GNG7: variants seen among roughly 807,000 people sequenced by gnomAD.
The protein encoded by GNG7 is guanine nucleotide-binding protein G(I)/G(S)/G(O) subunit gamma-7.
GNG7 carries 1 observed loss-of-function variant against 4.0 expected under a neutral mutation model. The observed-to-expected ratio is 0.25, with a 90% CI of 0.09 to 1.18. The LOEUF is 1.18. Among genes scored for constraint, GNG7 ranks in the 50% most tolerant of loss-of-function variants. The probability of loss-of-function intolerance (pLI) is 0.50; values close to 1 mark genes in which losing one functional copy is unlikely to be tolerated. For missense variants in GNG7, 86 were observed against 91.9 expected (o/e 0.94, Z 0.26); for synonymous variants, 34 against 36.9 (o/e 0.92, Z 0.29).
intron 1 of GNG7, among the ~76,000 whole-genome samples, chr19:2,665,719 A>G (rs1348053952): frequency 6.6e-6 from 1 of 152,174 alleles, no homozygotes; most frequent in African/African-American, 2.4e-5. Context: ...TGCACATCGA[A>G]GCAGCATCCA....
intron 2 of GNG7, among the ~76,000 whole-genome samples, chr19:2,565,905 C>T (rs1351171985): frequency 6.6e-6 from 1 of 152,160 alleles, no homozygotes; most frequent in Non-Finnish European, 1.5e-5. Context: ...CGCCTGTTAT[C>T]CCAGCACTTC....
intron 3 of GNG7, among the ~76,000 whole-genome samples, chr19:2,553,383 C>CATATATATATATATATATATATATAT (rs200287140): frequency 1.8e-4 from 23 of 127,720 alleles, no homozygotes; most frequent in East Asian, 6.9e-4. Flanking sequence ...TGGTGCTGAG[C>CATATATATATATATATATATATATAT]ATATATATAT....
At chr19:2,686,627 G>A (rs188410090) in intron 1 of GNG7, among the ~76,000 whole-genome samples, 1 of 152,252 alleles carries the variant, frequency 6.6e-6, no homozygotes, top group East Asian at 1.9e-4. Context: ...TGTCTCTCCT[G>A]AGCTCTCTTC....
At chr19:2,580,045 AC>A (rs919510516) in intron 2 of GNG7, among the ~76,000 whole-genome samples, 4 of 150,050 alleles carry the variant, frequency 2.7e-5, no homozygotes, top group Admixed American at 1.3e-4. Context: ...AAACCATTGC[AC>A]CCCCCCAGTG....
Position 2,661,302 on chromosome 19 carries a change from G to GAAAGAAAGAAAGAAAGAA in GNG7, c.-134-15023_-134-15022insTTCTTTCTTTCTTTCTTT. Among the ~76,000 whole-genome samples the GAAAGAAAGAAAGAAAGAA allele has an allele frequency of 2.6e-3, 187 of 73,072 alleles. 2 individuals carry two copies. The highest frequency in any genetic ancestry group is 0.01 in the East Asian group (25 of 2,388). 47.9% of individuals were successfully genotyped at this position (73,072 alleles called of 152,430 possible). ...AGAAAGAAAGAAAGAAAGAAAGAAA[G>GAAAGAAAGAAAGAAAGAA]AGAAAGAAAGAAAGAAAGAAAGAAA... On this transcript the variant is annotated intron_variant, in intron 1 of 4. Transcript: ENST00000382159.
At position 2,636,065 on chromosome 19, in the gene GNG7, CA is replaced by C. The variant is rs1302251841; in HGVS notation, c.-78+10158del. Among the ~76,000 whole-genome samples, 4 of 152,172 alleles carry C rather than the reference CA, an allele frequency of 2.6e-5. 1 individual carries two copies. Among genetic ancestry groups the C allele is most frequent in the Non-Finnish European group, 5.9e-5 (4 of 68,026 alleles). ...ATGTGGCCCCAATGTCTACAGGAGC[CA>C]GGGGGAGAGAGACCCTGTGTTATTT... On this transcript the variant is annotated intron_variant, in intron 2 of 4. Coordinates refer to ENST00000382159, the MANE Select transcript of GNG7 (RefSeq NM_052847.3).
chr19:2,676,667 C>T (rs61107115), intron 1 of GNG7, among the ~76,000 whole-genome samples: 2 of 151,906 alleles, frequency 1.3e-5, no homozygotes, highest in African/African-American at 4.8e-5. Context: ...CCTCCCGCCT[C>T]GGCCTCCCAT....
At chr19:2,520,931 T>C (rs1489657785) in intron 3 of GNG7, among the ~76,000 whole-genome samples, 1 of 152,018 alleles carries the variant, frequency 6.6e-6, no homozygotes, top group Non-Finnish European at 1.5e-5. Flanking sequence ...GTCACAATCC[T>C]CTGTGGGAGT....
chr19:2,537,607 T>C (rs1414659750), intron 3 of GNG7, among the ~76,000 whole-genome samples: 2 of 151,816 alleles, frequency 1.3e-5, no homozygotes, highest in South Asian at 2.1e-4. Flanking sequence ...TATAATACAC[T>C]GAGCATGCTC....
At position 2,614,298 on chromosome 19, in the gene GNG7, G is replaced by A. The variant is rs545562416; in HGVS notation, c.-78+31926C>T. Reference sequence around the variant, plus strand: ...CCCGCAGGGGGGCCCTGCACGTCGGGTCTCAGGCACATGTGTGGTGAAATG... The same window carrying A: ...CCCGCAGGGGGGCCCTGCACGTCGGATCTCAGGCACATGTGTGGTGAAATG... On this transcript the variant is annotated intron_variant, in intron 2 of 4. Coordinates refer to ENST00000382159, the MANE Select transcript of GNG7 (RefSeq NM_052847.3). This position sits in a 1 kb window ranked among gnomAD's most constrained non-coding sequence, Gnocchi z 6.0. Among the ~76,000 whole-genome samples, 1 of 152,322 alleles carries A rather than the reference G, an allele frequency of 6.6e-6. No individual in the cohort carries two copies. Among genetic ancestry groups the A allele is most frequent in the African/African-American group, 2.4e-5 (1 of 41,564 alleles).
intron 1 of GNG7, among the ~76,000 whole-genome samples, chr19:2,684,259 C>T (rs917334034): frequency 6.6e-5 from 10 of 151,670 alleles, no homozygotes; most frequent in Admixed American, 6.6e-5. Flanking sequence ...GCCTCAGCCT[C>T]GCGAGTAGCT....
intron 3 of GNG7, among the ~76,000 whole-genome samples, chr19:2,529,189 C>T (rs1978507400): frequency 6.6e-6 from 1 of 152,058 alleles, no homozygotes; most frequent in Non-Finnish European, 1.5e-5. Context: ...CTGAAATTAC[C>T]CATTTTTGTG....
intron 2 of GNG7, among the ~76,000 whole-genome samples, chr19:2,555,762 G>A (rs1310622066): frequency 6.6e-6 from 1 of 152,180 alleles, no homozygotes. Context: ...AACGTCTCCA[G>A]GCCCCGGTGA....
intron 2 of GNG7, among the ~76,000 whole-genome samples, chr19:2,597,559 T>G (rs558274132): frequency 4.0e-5 from 6 of 151,256 alleles, no homozygotes; most frequent in Admixed American, 6.6e-5. Flanking sequence ...ATCACGCCAC[T>G]GCACTCCAGC....
chr19:2,661,347 A>AGAAAGAAAGAAAGAAAGAAAGAAG (rs1568277885), intron 1 of GNG7, among the ~76,000 whole-genome samples: 27 of 148,436 alleles, frequency 1.8e-4, no homozygotes, highest in African/African-American at 6.8e-4. Context: ...AAAGAAAGAA[A>AGAAAGAAAGAAAGAAAGAAAGAAG]GAAAGAAAGA....
rs1972679543 is a variant in GNG7 at position 2,513,153 on chromosome 19, C to G, written c.*1869G>C. ...CACCTGCACACACACCCGGAGCCCT[C>G]TAGCCTTGGCGAGGTGGGAACCCTG... On this transcript the variant is annotated 3_prime_UTR_variant, in exon 5 of 5. Coordinates refer to ENST00000382159, the MANE Select transcript of GNG7 (RefSeq NM_052847.3). The G allele has an allele frequency of 1.0e-6, 1 of 984,292 alleles. No homozygotes were observed. Among genetic ancestry groups the G allele is most frequent in the Admixed American group, 6.1e-5 (1 of 16,272 alleles). The allele number at this position is 984,292 out of a possible 1,614,324, so 61.0% of individuals were successfully genotyped here.
chr19:2,627,410 C>T (rs1480764429), intron 2 of GNG7, among the ~76,000 whole-genome samples: 1 of 152,206 alleles, frequency 6.6e-6, no homozygotes, highest in Non-Finnish European at 1.5e-5. Context: ...GGCCCCAGCC[C>T]TGTGGCCGCC....
chr19:2,515,292 T>G (rs1330061112), intron 4 of GNG7, 145 bp from the exon 5 acceptor site: 7 of 899,252 alleles, frequency 7.8e-6, no homozygotes, highest in Non-Finnish European at 1.2e-5. Flanking sequence ...GTGCGGCCCG[T>G]CCACACGCTG....
chr19:2,693,065 T>C (rs563208535), intron 1 of GNG7, among the ~76,000 whole-genome samples: 24 of 151,454 alleles, frequency 1.6e-4, no homozygotes, highest in African/African-American at 4.9e-4. Context: ...CTGAAGTGGG[T>C]GGATCACTTG....
Sources: allele counts gnomAD v4.1 joint callset (sites outside exome capture counted in the v4.1 genomes callset), GRCh38; gene constraint gnomAD v4.1.1; non-coding constraint Gnocchi (gnomAD v3.1); transcripts MANE v1.5; gene names NCBI Gene and HGNC (gene_info 2026-07-23, HGNC 2026-07-21).